DNAJC6: variants seen among roughly 807,000 people sequenced by gnomAD.
DNAJC6 encodes DnaJ heat shock protein family (Hsp40) member C6.
DNAJC6 carries 34 observed loss-of-function variants against 110.0 expected under a neutral mutation model. That is an observed-to-expected ratio of 0.31 (90% CI 0.24 to 0.41). The LOEUF (loss-of-function observed/expected upper bound fraction) is 0.41. Ranked by LOEUF, DNAJC6 falls within the 10% of genes least tolerant of loss-of-function variation. The pLI, the probability that DNAJC6 is intolerant of heterozygous loss-of-function variation, is 1.00. For missense variants in DNAJC6, 1,031 were observed against 1,207.8 expected (o/e 0.85, Z 2.17); for synonymous variants, 406 against 437.2 (o/e 0.93, Z 0.89).
intron 1 of DNAJC6, among the ~76,000 whole-genome samples, chr1:65,319,340 T>C (rs1645175945): frequency 6.6e-6 from 1 of 151,244 alleles, no homozygotes; most frequent in South Asian, 2.1e-4. Context: ...CCCAGGGGAG[T>C]GCTGTGGAGG....
upstream of DNAJC6, among the ~76,000 whole-genome samples, chr1:65,306,046 G>A (rs1224884086): frequency 6.6e-6 from 1 of 151,610 alleles, no homozygotes; most frequent in Non-Finnish European, 1.5e-5. Context: ...AGGAGTCATT[G>A]GAACTAAGAA....
At chr1:65,310,647 T>A (rs1022171970) in intron 1 of DNAJC6, among the ~76,000 whole-genome samples, 1 of 152,188 alleles carries the variant, frequency 6.6e-6, no homozygotes, top group Non-Finnish European at 1.5e-5. Flanking sequence ...CTCTAAACTT[T>A]GTATCGGGGC....
chr1:65,293,029 C>A (rs980599605), intron 1 of DNAJC6, among the ~76,000 whole-genome samples: 1 of 152,204 alleles, frequency 6.6e-6, no homozygotes, highest in Non-Finnish European at 1.5e-5. Context: ...GCCAAGAGAG[C>A]AAGCAGAAAT....
intron 1 of DNAJC6, among the ~76,000 whole-genome samples, chr1:65,297,625 G>A (rs1235571756): frequency 1.3e-5 from 2 of 152,152 alleles, no homozygotes; most frequent in Non-Finnish European, 2.9e-5. Flanking sequence ...TTGGGCGCAG[G>A]CTGAACTAAG....
chr1:65,272,923 C>T (rs778429078), intron 1 of DNAJC6, among the ~76,000 whole-genome samples: 6 of 152,046 alleles, frequency 3.9e-5, no homozygotes, highest in Non-Finnish European at 5.9e-5. Flanking sequence ...GGAATTTGTC[C>T]ATTTCATCTG....
chr1:65,399,026 C>A, intron 14 of DNAJC6, 145 bp downstream of exon 14: 1 of 805,534 alleles, frequency 1.2e-6, no homozygotes. Context: ...TCTAGAAGAG[C>A]TTTTCCCAAT....
intron 1 of DNAJC6, among the ~76,000 whole-genome samples, chr1:65,265,756 G>T (rs1239853553): frequency 6.6e-6 from 1 of 152,166 alleles, no homozygotes; most frequent in Non-Finnish European, 1.5e-5. Flanking sequence ...CCCCGATCCC[G>T]TTTCCAGGGG....
intron 1 of DNAJC6, among the ~76,000 whole-genome samples, chr1:65,361,645 C>T (rs1645598475): frequency 6.6e-6 from 1 of 152,172 alleles, no homozygotes; most frequent in Non-Finnish European, 1.5e-5. Context: ...TCTGACAATA[C>T]TAAGTGTTAA....
At chr1:65,330,600 C>G (rs985466410) in intron 1 of DNAJC6, among the ~76,000 whole-genome samples, 1 of 152,142 alleles carries the variant, frequency 6.6e-6, no homozygotes, top group African/African-American at 2.4e-5. Flanking sequence ...TCCCAAGTAG[C>G]TGGGACTACA....
At chr1:65,368,721 T>TTCTTCTTCTTCTC (rs1557545641) in intron 4 of DNAJC6, among the ~76,000 whole-genome samples, 2 of 110,368 alleles carry the variant, frequency 1.8e-5, no homozygotes, top group African/African-American at 3.8e-5. Context: ...TTCTTCCTCT[T>TTCTTCTTCTTCTC]CTTCTTCTTC....
intron 14 of DNAJC6, among the ~76,000 whole-genome samples, chr1:65,399,670 A>G (rs986919000): frequency 2.6e-5 from 4 of 152,066 alleles, no homozygotes; most frequent in African/African-American, 9.7e-5. Flanking sequence ...TTCTCACATA[A>G]CTGAAACTCT....
chr1:65,316,072 A>G (rs540363113), intron 1 of DNAJC6, among the ~76,000 whole-genome samples: 1 of 152,354 alleles, frequency 6.6e-6, no homozygotes, highest in African/African-American at 2.4e-5. Context: ...AATACAATTG[A>G]TGAAGCATTA....
rs906681930 is a variant in DNAJC6, at chr1:65,356,346, C to A, written c.194-8289C>A. On this transcript the variant is annotated intron_variant, in intron 1 of 18. Transcript: ENST00000371069. ...CAGCACTTTGGGAGGCTAAGGCCGG[C>A]CAATCACCTGAGGTTAGGAGTTCGA... Among the ~76,000 whole-genome samples, 7 of 151,834 alleles carry A rather than the reference C, an allele frequency of 4.6e-5. 1 individual carries two copies. Among genetic ancestry groups the A allele is most frequent in the African/African-American group, 1.7e-4 (7 of 41,324 alleles).
At chr1:65,273,621 A>G (rs1653576074) in intron 1 of DNAJC6, among the ~76,000 whole-genome samples, 1 of 152,104 alleles carries the variant, frequency 6.6e-6, no homozygotes, top group African/African-American at 2.4e-5. Flanking sequence ...CCCTTAAGCT[A>G]TATATATAAT....
intron 1 of DNAJC6, among the ~76,000 whole-genome samples, chr1:65,286,372 G>A (rs922965495): frequency 2.0e-5 from 3 of 151,982 alleles, no homozygotes; most frequent in East Asian, 1.9e-4. Flanking sequence ...TCAGCCTCCC[G>A]AGTAGCTGGG....
intron 1 of DNAJC6, among the ~76,000 whole-genome samples, chr1:65,280,879 G>T (rs1477583217): frequency 6.6e-6 from 1 of 152,032 alleles, no homozygotes; most frequent in Non-Finnish European, 1.5e-5. Context: ...TTCATATTAG[G>T]TAGATTTCCT....
Position 65,309,864 on chromosome 1 carries a change from G to C in DNAJC6, c.119G>C (p.Arg40Thr). ...AGSGGVGGKQRVNAGAAARSP... is the reference protein window; with the variant it reads ...AGSGGVGGKQTVNAGAAARSP... ...AGCGGCGGGGTTGGCGGCAAGCAGA[G>C]AGTGAACGCCGGGGCAGCGGCGCGG... Residue 40 changes from arginine (R) to threonine (T), a missense_variant, in exon 1 of 19, where the codon AGA (arginine) becomes ACA (threonine). Physicochemically the swap from Arg to Thr is moderately conservative, Grantham distance 71. Coordinates refer to ENST00000371069, the MANE Select transcript of DNAJC6 (RefSeq NM_001256864.2). 6.5e-7 allele frequency: 1 copy of C among 1,548,138 alleles called. No individual in the cohort carries two copies. Among genetic ancestry groups the C allele is most frequent in the Non-Finnish European group, 8.7e-7 (1 of 1,145,784 alleles).
Position 65,366,111 on chromosome 1 carries a change from G to C in DNAJC6, c.458G>C (p.Ser153Thr). The change falls in exon 4 of 19, where the codon AGC becomes ACC. Residue 153 changes from serine (S) to threonine (T), a missense_variant. Physicochemically the swap from Ser to Thr is moderately conservative, Grantham distance 58 (BLOSUM62 1). Transcript: ENST00000371069. Reference sequence around the variant, plus strand: ...AGGAATCAGGTTGATGACATTCGAAGCTTTTTGGATTCCAGACATCTTGAC... The same window carrying C: ...AGGAATCAGGTTGATGACATTCGAACCTTTTTGGATTCCAGACATCTTGAC... ...GFRNQVDDIR[S>T]FLDSRHLDHY... 6.2e-7 allele frequency: 1 copy of C among 1,613,894 alleles called. No individual in the cohort carries two copies. Among genetic ancestry groups the C allele is most frequent in the Non-Finnish European group, 8.5e-7 (1 of 1,179,832 alleles).
At chr1:65,369,590 T>C (rs555043009) in intron 4 of DNAJC6, among the ~76,000 whole-genome samples, 4 of 152,276 alleles carry the variant, frequency 2.6e-5, no homozygotes, top group African/African-American at 9.6e-5. Context: ...TTAGGAATTT[T>C]TTATTTATAA....
Sources: allele counts gnomAD v4.1 joint callset (sites outside exome capture counted in the v4.1 genomes callset), GRCh38; gene constraint gnomAD v4.1.1; transcripts MANE v1.5; gene names NCBI Gene and HGNC (gene_info 2026-07-23, HGNC 2026-07-21).